AKT3: variants seen among roughly 807,000 people sequenced by gnomAD.
AKT3 encodes AKT serine/threonine kinase 3.
AKT3 carries 15 observed loss-of-function variants against 65.3 expected under a neutral mutation model. The observed-to-expected ratio is 0.23, with a 90% confidence interval of 0.15 to 0.35. The LOEUF is 0.35. Ranked by LOEUF, AKT3 falls within the 10% of genes least tolerant of loss-of-function variation. The pLI, the probability that AKT3 is intolerant of heterozygous loss-of-function variation, is 1.00. For missense variants in AKT3, 243 were observed against 576.5 expected, an observed-to-expected ratio of 0.42 and a Z score of 5.92; for synonymous variants, 206 against 183.8, an observed-to-expected ratio of 1.12 and a Z score of -0.98.
chr1:243,578,855 C>G (rs2148519446), intron 8 of AKT3, among the ~76,000 whole-genome samples: 1 of 152,220 alleles, frequency 6.6e-6, no homozygotes, highest in South Asian at 2.1e-4. Flanking sequence ...TGAGAGAAAA[C>G]CGTACCAATC....
chr1:243,505,440 A>G (rs544327798), intron 13 of AKT3, 106 bp from the exon 14 acceptor site: 3 of 857,450 alleles, frequency 3.5e-6, no homozygotes, highest in Non-Finnish European at 5.6e-6. Context: ...GAACAGAGGC[A>G]ATAGCTCCCA....
At chr1:243,789,087 G>T (rs1459571296) in intron 2 of AKT3, among the ~76,000 whole-genome samples, 1 of 152,250 alleles carries the variant, frequency 6.6e-6, no homozygotes, top group Admixed American at 6.5e-5. Flanking sequence ...TCCATAAGAA[G>T]CAATGCCTGG....
chr1:243,631,393 A>G (rs1463921087), intron 6 of AKT3, among the ~76,000 whole-genome samples: 3 of 152,106 alleles, frequency 2.0e-5, no homozygotes, highest in Non-Finnish European at 4.4e-5. Flanking sequence ...TATTCAAGCA[A>G]TTCTCATGCC....
At chr1:243,697,700 C>T (rs1685146444) in intron 2 of AKT3, among the ~76,000 whole-genome samples, 1 of 151,974 alleles carries the variant, frequency 6.6e-6, no homozygotes, top group South Asian at 2.1e-4. Flanking sequence ...GTTATCAATA[C>T]CAGTCTCATG....
intron 10 of AKT3, among the ~76,000 whole-genome samples, chr1:243,561,429 A>G (rs536385592): frequency 6.6e-6 from 1 of 152,126 alleles, no homozygotes; most frequent in Non-Finnish European, 1.5e-5. Flanking sequence ...AAAAAGTAAA[A>G]GTGGGCTTTA....
chr1:243,750,037 T>C (rs1688704240), intron 2 of AKT3, among the ~76,000 whole-genome samples: 2 of 152,222 alleles, frequency 1.3e-5, no homozygotes, highest in African/African-American at 4.8e-5. Context: ...CCTTCTCATA[T>C]AGGCTAAATG....
At chr1:243,803,994 A>C (rs911014775) in intron 2 of AKT3, among the ~76,000 whole-genome samples, 51 of 152,216 alleles carry the variant, frequency 3.4e-4, no homozygotes, top group African/African-American at 1.1e-3. Flanking sequence ...AGCCTGCTTG[A>C]GAATGAAGCC....
In AKT3 at chr1:243,501,734, A is replaced by G. The variant is rs1463000008; in HGVS notation, c.*3515T>C. ...AGATTTAATTTGGGGGGATTATAGA[A>G]CCACATCCAACAACAATAAACAGAG... On this transcript the variant is annotated 3_prime_UTR_variant, in exon 14 of 14. Coordinates refer to ENST00000673466, the MANE Select transcript of AKT3 (RefSeq NM_005465.7). The G allele has an allele frequency of 1.3e-5, 3 of 232,930 alleles. No homozygotes were observed. In the Admixed American group the frequency reaches 1.7e-4, roughly 13 times the overall value. The allele number at this position is 232,930 out of a possible 1,614,324, so 14.4% of individuals were successfully genotyped here.
intron 4 of AKT3, among the ~76,000 whole-genome samples, chr1:243,656,367 A>G (rs1477698734): frequency 6.6e-6 from 1 of 152,158 alleles, no homozygotes. Context: ...GTGTGCTACT[A>G]AAGTTTAAAA....
intron 2 of AKT3, among the ~76,000 whole-genome samples, chr1:243,782,203 G>A (rs1690957314): frequency 6.6e-6 from 1 of 152,152 alleles, no homozygotes; most frequent in Admixed American, 6.5e-5. Flanking sequence ...TTGCCTAAGA[G>A]AGATCAAAAC....
chr1:243,496,893 T>C (rs538144917), downstream of AKT3, among the ~76,000 whole-genome samples: 273 of 152,308 alleles, frequency 1.8e-3, 1 homozygote, highest in Non-Finnish European at 9.6e-4. Flanking sequence ...TGCCTGCAGA[T>C]GGGGGCACGT....
chr1:243,646,280 G>A (rs1392739157), intron 4 of AKT3, among the ~76,000 whole-genome samples: 1 of 151,172 alleles, frequency 6.6e-6, no homozygotes, highest in Non-Finnish European at 1.5e-5. Context: ...AAAAAGAGAA[G>A]AAAAAAATTG....
chr1:243,515,976 C>CA (rs34471647), intron 12 of AKT3, among the ~76,000 whole-genome samples: 13,520 of 139,586 alleles, frequency 0.097, 969 homozygotes, highest in African/African-American at 0.22. Context: ...GACTCCATCT[C>CA]AAAAAAAAAA....
chr1:243,762,748 C>T (rs1689565777), intron 2 of AKT3, among the ~76,000 whole-genome samples: 1 of 152,030 alleles, frequency 6.6e-6, no homozygotes, highest in South Asian at 2.1e-4. Context: ...AAATCATGTA[C>T]TCACTGTTCC....
At chr1:243,688,318 G>GA (rs200822280) in intron 3 of AKT3, among the ~76,000 whole-genome samples, 4 of 151,466 alleles carry the variant, frequency 2.6e-5, no homozygotes, top group East Asian at 1.9e-4. Context: ...AAGAGTAACA[G>GA]AAAAAAAAGA....
intron 3 of AKT3, among the ~76,000 whole-genome samples, chr1:243,685,009 T>C (rs1332726718): frequency 6.6e-6 from 1 of 152,226 alleles, no homozygotes; most frequent in Non-Finnish European, 1.5e-5. Context: ...GGGTACTTTT[T>C]TCCTGTAGAT....
At chr1:243,616,497 A>T (rs978461873) in intron 6 of AKT3, among the ~76,000 whole-genome samples, 3 of 152,110 alleles carry the variant, frequency 2.0e-5, no homozygotes, top group Non-Finnish European at 4.4e-5. Flanking sequence ...ATAATGTTTC[A>T]TATTTCAAAA....
chr1:243,782,872 G>C (rs1691001391), intron 2 of AKT3, among the ~76,000 whole-genome samples: 1 of 152,156 alleles, frequency 6.6e-6, no homozygotes, highest in Non-Finnish European at 1.5e-5. Context: ...AAATATATGA[G>C]ACTCTGGTAG....
intron 8 of AKT3, among the ~76,000 whole-genome samples, chr1:243,604,245 C>G (rs904392422): frequency 2.6e-5 from 4 of 152,138 alleles, no homozygotes; most frequent in African/African-American, 9.7e-5. Context: ...ACTGCAGCAA[C>G]CTCCCAAGTA....
Sources: gnomAD v4.1 joint callset for allele counts (sites outside exome capture counted in the v4.1 genomes callset) on GRCh38, gnomAD v4.1.1 for gene constraint, MANE v1.5 for transcripts, NCBI Gene and HGNC (gene_info 2026-07-23, HGNC 2026-07-21) for gene names.